The following DCC variants were observed in gnomAD, a reference collection of about 807,000 sequenced individuals.
DCC encodes the protein DCC netrin 1 receptor.
Under a neutral mutation model 172.5 loss-of-function variants are expected in DCC, and 58 were observed. That is an observed-to-expected ratio of 0.34 (90% confidence interval 0.27 to 0.42). The LOEUF (loss-of-function observed/expected upper bound fraction) is 0.42, where lower values mean the gene tolerates loss of function less well. DCC is among the 10% of genes least tolerant of loss of function. The probability of loss-of-function intolerance (pLI) is 1.00; values close to 1 mark genes in which losing one functional copy is unlikely to be tolerated. For missense variants in DCC, 1,740 were observed against 1,791.0 expected, an observed-to-expected ratio of 0.97 and a Z score of 0.51; for synonymous variants, 709 against 644.5, an observed-to-expected ratio of 1.10 and a Z score of -1.52.
intron 2 of DCC, among the ~76,000 whole-genome samples, chr18:52,778,769 T>G (rs1035795456): frequency 2.0e-5 from 3 of 152,186 alleles, no homozygotes; most frequent in African/African-American, 4.8e-5. Flanking sequence ...TGTCAAGATA[T>G]TCTGTTTTAT....
At chr18:52,451,923 C>G (rs1239771180) in intron 1 of DCC, among the ~76,000 whole-genome samples, 2 of 152,130 alleles carry the variant, frequency 1.3e-5, no homozygotes, top group African/African-American at 4.8e-5. Flanking sequence ...TGTCTTCTCT[C>G]TAGGTGATTC....
At chr18:53,162,469 G>T (rs1316542606) in intron 8 of DCC, among the ~76,000 whole-genome samples, 3 of 152,154 alleles carry the variant, frequency 2.0e-5, no homozygotes, top group Non-Finnish European at 4.4e-5. Flanking sequence ...GTTAGGGTAT[G>T]TCATTCCTCT....
At chr18:53,446,098 C>CAAAAAAAAAAAAAAAAA (rs1246126122) in intron 22 of DCC, among the ~76,000 whole-genome samples, 1 of 32,284 alleles carries the variant, frequency 3.1e-5, no homozygotes. Flanking sequence ...CCTGTCTCTA[C>CAAAAAAAAAAAAAAAAA]AAAAAAAAAA....
At chr18:53,062,057 G>A (rs1338798484) in intron 5 of DCC, among the ~76,000 whole-genome samples, 2 of 151,964 alleles carry the variant, frequency 1.3e-5, no homozygotes, top group South Asian at 2.1e-4. Context: ...AATCAAAAAA[G>A]CCTTATACTA....
intron 1 of DCC, among the ~76,000 whole-genome samples, chr18:52,610,585 G>A (rs993960775): frequency 1.3e-5 from 2 of 151,500 alleles, no homozygotes; most frequent in Admixed American, 6.6e-5. Context: ...CAGAACAATC[G>A]TTGAAATTGA....
At chr18:53,119,412 A>G (rs2043451811) in intron 7 of DCC, among the ~76,000 whole-genome samples, 2 of 151,778 alleles carry the variant, frequency 1.3e-5, no homozygotes, top group African/African-American at 2.4e-5. Context: ...AGCAGATAGC[A>G]TGAGGCTGAC....
chr18:53,066,706 A>G (rs992117172), intron 7 of DCC, among the ~76,000 whole-genome samples: 2 of 152,058 alleles, frequency 1.3e-5, no homozygotes, highest in African/African-American at 2.4e-5. Flanking sequence ...TCTTGAATCA[A>G]TGGAAGTTAA....
intron 1 of DCC, among the ~76,000 whole-genome samples, chr18:52,408,293 T>C (rs3851128): frequency 0.37 from 54,889 of 148,796 alleles, 10,262 homozygotes; most frequent in Non-Finnish European, 0.42. Flanking sequence ...TTATATAAAA[T>C]GTAGTTAGAA....
intron 1 of DCC, among the ~76,000 whole-genome samples, chr18:52,483,414 CT>C (rs1467561336): frequency 2.6e-5 from 4 of 151,936 alleles, no homozygotes; most frequent in African/African-American, 9.6e-5. Flanking sequence ...AAAAATTTAC[CT>C]TGCACTTTTT....
rs1301405028 is a variant in DCC, at chr18:53,529,020, TCTCTCTCTCTCTCTCTCTCACACACA to T, written c.4255-1542_4255-1517del. 7.7e-4 allele frequency among the ~76,000 whole-genome samples: 66 copies of T among 85,696 alleles called. 1 individual carries two copies. In the East Asian group the frequency reaches 0.014, roughly 18 times the overall value. 56.2% of individuals were successfully genotyped at this position (85,696 alleles called of 152,430 possible). A position where few individuals can be genotyped will look rare whatever the true frequency, so the allele number is the denominator to read the frequency against. On this transcript the variant is annotated intron_variant, in intron 28 of 28. Coordinates refer to ENST00000442544, the MANE Select transcript of DCC (RefSeq NM_005215.4). ...ACTTCAACTTCTCTCTCTCTCTCTC[TCTCTCTCTCTCTCTCTCTCACACACA>T]CACACACACACACACACACACACAC...
intron 8 of DCC, among the ~76,000 whole-genome samples, chr18:53,172,466 A>C (rs905765079): frequency 6.6e-6 from 1 of 152,192 alleles, no homozygotes; most frequent in African/African-American, 2.4e-5. Context: ...AGAATCTAAA[A>C]TAATGAAATT....
chr18:52,957,425 G>T (rs2040763189), intron 5 of DCC, among the ~76,000 whole-genome samples: 1 of 152,072 alleles, frequency 6.6e-6, no homozygotes, highest in African/African-American at 2.4e-5. Flanking sequence ...AATATTAGTA[G>T]AATTTTTTTC....
chr18:52,887,535 C>T (rs546053751), intron 2 of DCC, among the ~76,000 whole-genome samples: 7 of 152,042 alleles, frequency 4.6e-5, no homozygotes, highest in Non-Finnish European at 8.8e-5. Flanking sequence ...ATCTTGTCCA[C>T]GATGATAGAA....
intron 5 of DCC, among the ~76,000 whole-genome samples, chr18:52,960,990 C>A (rs1236830119): frequency 2.6e-5 from 4 of 152,064 alleles, no homozygotes; most frequent in African/African-American, 9.7e-5. Context: ...TAATCAGGAC[C>A]AATAGTACCC....
At chr18:53,128,870 C>CACACATATAT (rs1300738812) in intron 7 of DCC, among the ~76,000 whole-genome samples, 164 of 77,398 alleles carry the variant, frequency 2.1e-3, no homozygotes, top group Non-Finnish European at 2.9e-3. Flanking sequence ...CACACACACA[C>CACACATATAT]ATATATATAT....
chr18:53,276,964 C>A (rs1178079195), intron 12 of DCC, among the ~76,000 whole-genome samples: 1 of 151,946 alleles, frequency 6.6e-6, no homozygotes, highest in Non-Finnish European at 1.5e-5. Flanking sequence ...CAAGAGAGGG[C>A]ATCCTAAAAC....
intron 1 of DCC, among the ~76,000 whole-genome samples, chr18:52,578,118 C>T (rs1349006221): frequency 3.9e-5 from 6 of 152,202 alleles, no homozygotes; most frequent in African/African-American, 1.4e-4. Context: ...ATTATTTACA[C>T]ATGGATGGCA....
At chr18:53,043,385 C>G (rs1050402557) in intron 5 of DCC, among the ~76,000 whole-genome samples, 4 of 151,842 alleles carry the variant, frequency 2.6e-5, no homozygotes, top group Non-Finnish European at 4.4e-5. Flanking sequence ...ATGGGTGCAG[C>G]AAACCACCAT....
At chr18:52,986,305 A>T (rs2041291860) in intron 5 of DCC, among the ~76,000 whole-genome samples, 1 of 152,178 alleles carries the variant, frequency 6.6e-6, no homozygotes, top group South Asian at 2.1e-4. Flanking sequence ...GAATTAGGAG[A>T]AATCTTATTG....
Sources: gnomAD v4.1 joint callset for allele counts (sites outside exome capture counted in the v4.1 genomes callset) on GRCh38, gnomAD v4.1.1 for gene constraint, MANE v1.5 for transcripts, NCBI Gene and HGNC (gene_info 2026-07-23, HGNC 2026-07-21) for gene names.